The following PCDH15 variants were observed in gnomAD, a reference collection of about 807,000 sequenced individuals.
PCDH15 encodes the protein protocadherin-15.
In PCDH15, 129 loss-of-function variants were observed where a neutral mutation model predicts 178.5. That is an observed-to-expected ratio of 0.72 (90% CI 0.63 to 0.84). The LOEUF (loss-of-function observed/expected upper bound fraction) is 0.84. Ranked by LOEUF, PCDH15 falls within the 40% of genes least tolerant of loss-of-function variation. PCDH15 has a pLI of 0.00. For synonymous variants in PCDH15, 800 were observed against 732.0 expected, an observed-to-expected ratio of 1.09 and a Z score of -1.50; for missense variants, 2,230 against 2,099.9, an observed-to-expected ratio of 1.06 and a Z score of -1.21.
At chr10:54,796,276 A>G (rs796918054) in intron 1 of PCDH15, among the ~76,000 whole-genome samples, 864 of 84,448 alleles carry the variant, frequency 0.01, 5 homozygotes, top group South Asian at 0.04. Context: ...CTATCTATGT[A>G]TCTATGTATC....
chr10:54,169,965 G>A (rs541683597), intron 13 of PCDH15, among the ~76,000 whole-genome samples: 1,838 of 150,864 alleles, frequency 0.012, 40 homozygotes, highest in African/African-American at 0.042. Flanking sequence ...CCTATCCTCA[G>A]TACCTGCCTC....
At position 55,542,252 on chromosome 10, in the gene PCDH15, CATGT is replaced by C. The variant is rs1463705788; in HGVS notation, c.-156+85369_-156+85372del. On this transcript the variant is annotated intron_variant, in intron 2 of 5. Coordinates refer to the PCDH15 transcript ENST00000613346. ...TGTACAGTATATGCCTGTATGTGTA[CATGT>C]ATGTACAGTATGTCTATATTATGTA... 2.0e-5 allele frequency among the ~76,000 whole-genome samples: 3 copies of C among 150,630 alleles called. No individual in the cohort carries two copies. In the South Asian group the frequency reaches 6.3e-4, roughly 31 times the overall value.
At chr10:54,222,980 A>C (rs894309016) in intron 9 of PCDH15, among the ~76,000 whole-genome samples, 2 of 152,042 alleles carry the variant, frequency 1.3e-5, no homozygotes, top group East Asian at 1.9e-4. Context: ...TCAAATTTTA[A>C]ATTTTTTCTT....
intron 2 of PCDH15, among the ~76,000 whole-genome samples, chr10:55,543,752 ATCT>A (rs1408760027): frequency 1.3e-5 from 2 of 151,642 alleles, no homozygotes; most frequent in African/African-American, 2.4e-5. Context: ...TAAGATTGTG[ATCT>A]TCTTATTTTA....
chr10:53,927,898 A>G (rs1488060667), intron 25 of PCDH15, among the ~76,000 whole-genome samples: 1 of 152,072 alleles, frequency 6.6e-6, no homozygotes, highest in Non-Finnish European at 1.5e-5. Context: ...GGGACAATGA[A>G]TGATTAAGCA....
rs573174133 is a variant in PCDH15, at chr10:55,160,622, C to A, written c.-80+5954G>T. Among the ~76,000 whole-genome samples, 13 of 152,164 alleles carry A rather than the reference C, an allele frequency of 8.5e-5. No individual in the cohort carries two copies. In the East Asian group the frequency reaches 2.5e-3, roughly 29 times the overall value. ...GAGTCCCTATCATGCTAACGTTCTT[C>A]AGCACCTTTGCATTTCTGTTGCATC... On this transcript the variant is annotated intron_variant, in intron 2 of 5. Transcript: ENST00000458638.
At chr10:55,356,307 C>A (rs186431255) in intron 2 of PCDH15, among the ~76,000 whole-genome samples, 102 of 150,862 alleles carry the variant, frequency 6.8e-4, no homozygotes, top group Non-Finnish European at 4.3e-4. Context: ...CAAGGAAGAA[C>A]ACAAAGAAAA....
chr10:54,153,050 G>A (rs202131685), intron 14 of PCDH15, 50 bp downstream of exon 14: 6 of 1,594,576 alleles, frequency 3.8e-6, no homozygotes, highest in Non-Finnish European at 1.7e-6. Flanking sequence ...TTTAATTACA[G>A]GGTTAAACGG....
At position 54,608,984 on chromosome 10, in the gene PCDH15, A is replaced by C. The variant is rs192265145; in HGVS notation, c.91+55188T>G. 3.3e-5 allele frequency among the ~76,000 whole-genome samples: 5 copies of C among 152,258 alleles called. 1 individual carries two copies. The East Asian group carries it at 7.7e-4, about 24-fold the overall frequency. ...ATGTATGTGAGCAAAATATTATTAG[A>C]AGCAACATGAATGATAATCACGCAC... On this transcript the variant is annotated intron_variant, in intron 2 of 37. Coordinates refer to ENST00000644397, the MANE Select transcript of PCDH15 (RefSeq NM_001384140.1).
intron 23 of PCDH15, among the ~76,000 whole-genome samples, chr10:53,944,361 T>C (rs2086346473): frequency 6.6e-6 from 1 of 152,230 alleles, no homozygotes; most frequent in Admixed American, 6.5e-5. Context: ...CCTGATATAA[T>C]GTGAGTTATC....
At chr10:54,673,530 C>T (rs2094718561) in intron 1 of PCDH15, among the ~76,000 whole-genome samples, 2 of 152,094 alleles carry the variant, frequency 1.3e-5, no homozygotes, top group Non-Finnish European at 2.9e-5. Flanking sequence ...CCTCCTCCTC[C>T]TGGGTTCAAG....
chr10:53,857,461 T>C (rs1411449164), intron 27 of PCDH15, among the ~76,000 whole-genome samples, 198 bp from the exon 28 acceptor site: 2 of 152,130 alleles, frequency 1.3e-5, no homozygotes, highest in Admixed American at 6.6e-5. Flanking sequence ...AGACTGAGCA[T>C]GAGAAACTAT....
Position 54,518,481 on chromosome 10 carries a change from A to G in PCDH15, c.157+9331T>C, listed in dbSNP as rs917043022. ...TCTAGAAGAAATGGATAAATTCCTC[A>G]ACACATACACCCCCCCAAGACTAAA... On this transcript the variant is annotated intron_variant, in intron 3 of 37. Transcript: ENST00000644397. Among the ~76,000 whole-genome samples, 13 of 152,106 alleles carry G rather than the reference A, an allele frequency of 8.5e-5. 1 individual carries two copies. Among genetic ancestry groups the G allele is most frequent in the Admixed American group, 7.9e-4 (12 of 15,268 alleles).
intron 3 of PCDH15, among the ~76,000 whole-genome samples, chr10:54,893,236 C>A (rs1954492211): frequency 6.6e-6 from 1 of 151,526 alleles, no homozygotes; most frequent in Non-Finnish European, 1.5e-5. Context: ...CTAAAAATTA[C>A]ACTAAAAACC....
chr10:53,875,932 A>G (rs2080196475), intron 26 of PCDH15, among the ~76,000 whole-genome samples: 1 of 152,194 alleles, frequency 6.6e-6, no homozygotes. Flanking sequence ...GTGATGTCCT[A>G]AGAACTTTCA....
intron 8 of PCDH15, among the ~76,000 whole-genome samples, chr10:54,257,799 T>C (rs7902425): frequency 2.0e-5 from 3 of 152,126 alleles, no homozygotes; most frequent in Non-Finnish European, 4.4e-5. Flanking sequence ...AAAAGCATGC[T>C]ATAGAAGCAT....
intron 2 of PCDH15, among the ~76,000 whole-genome samples, chr10:55,153,003 A>T (rs2799584): frequency 6.6e-6 from 1 of 151,580 alleles, no homozygotes; most frequent in Admixed American, 6.6e-5. Context: ...GAAAGCCATA[A>T]CTAATAAATA....
chr10:54,131,724 A>G (rs2042453504), intron 15 of PCDH15, among the ~76,000 whole-genome samples: 1 of 152,222 alleles, frequency 6.6e-6, no homozygotes, highest in African/African-American at 2.4e-5. Flanking sequence ...AGTAATCAGT[A>G]GGATATAACA....
At chr10:54,716,709 C>T (rs1193888526) in intron 1 of PCDH15, among the ~76,000 whole-genome samples, 2 of 151,916 alleles carry the variant, frequency 1.3e-5, no homozygotes, top group East Asian at 3.9e-4. Context: ...GATTCAATGC[C>T]ATCCCCATCA....
Sources: gnomAD v4.1 joint callset for allele counts (sites outside exome capture counted in the v4.1 genomes callset) on GRCh38, gnomAD v4.1.1 for gene constraint, MANE v1.5 for transcripts, NCBI Gene and HGNC (gene_info 2026-07-23, HGNC 2026-07-21) for gene names.